Variants in DOCK4 observed in about 807,000 individuals in gnomAD.
DOCK4 encodes the protein dedicator of cytokinesis protein 4.
Under a neutral mutation model 268.1 loss-of-function variants are expected in DOCK4, and 97 were observed. That is an observed-to-expected ratio of 0.36 (90% CI 0.31 to 0.43). The LOEUF (loss-of-function observed/expected upper bound fraction) is 0.43, where lower values mean the gene tolerates loss of function less well. Among genes scored for constraint, DOCK4 ranks in the 20% least tolerant of loss-of-function variants. The pLI is 1.00. For synonymous variants in DOCK4, 954 were observed against 887.2 expected, an observed-to-expected ratio of 1.08 and a Z score of -1.34; for missense variants, 2,145 against 2,455.7, an observed-to-expected ratio of 0.87 and a Z score of 2.67.
At chr7:111,739,030 G>T in intron 49 of DOCK4, 104 bp downstream of exon 49, 2 of 902,020 alleles carry the variant, frequency 2.2e-6, no homozygotes, top group Non-Finnish European at 3.6e-6. Context: ...GTCTGACACT[G>T]CCCAGCTGCT....
chr7:112,161,267 C>A (rs1381596565), intron 1 of DOCK4, among the ~76,000 whole-genome samples: 1 of 152,098 alleles, frequency 6.6e-6, no homozygotes, highest in East Asian at 1.9e-4. Flanking sequence ...TTAAAACTTG[C>A]TGCACTTGTT....
At chr7:112,080,623 A>AG (rs1384776139) in intron 1 of DOCK4, among the ~76,000 whole-genome samples, 1 of 152,230 alleles carries the variant, frequency 6.6e-6, no homozygotes, top group African/African-American at 2.4e-5. Flanking sequence ...GACAATGTGC[A>AG]GAAACATCAC....
chr7:112,103,702 C>T (rs965208374), intron 1 of DOCK4, among the ~76,000 whole-genome samples: 1 of 151,942 alleles, frequency 6.6e-6, no homozygotes, highest in Non-Finnish European at 1.5e-5. Flanking sequence ...GCAAACAGGG[C>T]GAAACCCCGT....
chr7:111,801,345 C>T (rs55709616), intron 30 of DOCK4, among the ~76,000 whole-genome samples: 12,358 of 152,238 alleles, frequency 0.081, 1,697 homozygotes, highest in African/African-American at 0.28. Flanking sequence ...TCAAGCCTCC[C>T]CACCTCTGTC....
chr7:112,169,950 T>G, intron 1 of DOCK4, among the ~76,000 whole-genome samples: 1 of 152,248 alleles, frequency 6.6e-6, no homozygotes, highest in East Asian at 1.9e-4. Flanking sequence ...CCACCAACAC[T>G]TTTTCCTGAA....
intron 1 of DOCK4, among the ~76,000 whole-genome samples, chr7:112,188,902 G>A (rs1819687500): frequency 6.6e-6 from 1 of 152,166 alleles, no homozygotes; most frequent in Non-Finnish European, 1.5e-5. Flanking sequence ...TATCAAGTCA[G>A]TAAGAACAAT....
At chr7:112,198,180 A>G (rs1820626544) in intron 1 of DOCK4, among the ~76,000 whole-genome samples, 2 of 151,982 alleles carry the variant, frequency 1.3e-5, no homozygotes, top group Admixed American at 1.3e-4. Flanking sequence ...AGCCTTCATG[A>G]TGGGATTCGT....
chr7:112,036,098 G>T (rs1225026508), intron 1 of DOCK4, among the ~76,000 whole-genome samples: 1 of 152,000 alleles, frequency 6.6e-6, no homozygotes, highest in Non-Finnish European at 1.5e-5. Flanking sequence ...AAGGAAACAG[G>T]TATGACCCAA....
chr7:111,947,248 A>G (rs1049709249), intron 8 of DOCK4, among the ~76,000 whole-genome samples: 1 of 152,244 alleles, frequency 6.6e-6, no homozygotes, highest in African/African-American at 2.4e-5. Context: ...AAGAGGAGAT[A>G]TGAGAACCAT....
chr7:112,013,916 C>A (rs1193130432), intron 1 of DOCK4, among the ~76,000 whole-genome samples: 2 of 152,178 alleles, frequency 1.3e-5, no homozygotes, highest in Non-Finnish European at 2.9e-5. Context: ...ACTCACTCAC[C>A]ACCTCTACTT....
At chr7:111,849,596 C>T (rs1804386267) in intron 23 of DOCK4, among the ~76,000 whole-genome samples, 2 of 152,130 alleles carry the variant, frequency 1.3e-5, no homozygotes, top group South Asian at 2.1e-4. Context: ...TCTCCAATAT[C>T]TGATGATCCT....
intron 5 of DOCK4, among the ~76,000 whole-genome samples, chr7:111,993,382 C>A (rs915225804): frequency 5.3e-5 from 8 of 152,158 alleles, no homozygotes; most frequent in African/African-American, 1.4e-4. Context: ...TATTTCACCA[C>A]CCCCAGACTT....
intron 1 of DOCK4, among the ~76,000 whole-genome samples, chr7:112,172,679 A>G (rs2107116): frequency 0.93 from 141,831 of 152,256 alleles, 66,121 homozygotes; most frequent in Middle Eastern, 0.97. Context: ...ATGTCATTAT[A>G]TGGAAAAACC....
At chr7:111,998,367 C>T in intron 4 of DOCK4, 81 bp downstream of exon 4, 1 of 1,115,816 alleles carries the variant, frequency 9.0e-7, no homozygotes, top group Non-Finnish European at 1.3e-6. Context: ...TTTTTCAAGA[C>T]AATTACTATG....
chr7:112,036,559 T>C lies in DOCK4; in HGVS notation c.38-32428A>G, dbSNP rs111668632. Among the ~76,000 whole-genome samples the C allele has an allele frequency of 3.3e-3, 510 of 152,252 alleles. 4 individuals are homozygous for C. The highest frequency in any genetic ancestry group is 0.012 in the African/African-American group (482 of 41,546). The stretch of plus-strand genomic sequence containing the variant: ...TTTTATATTTTTATGTTGAGATATA[T>C]ATAACAAAGGGTACGGATCTTAGGG... On this transcript the variant is annotated intron_variant, in intron 1 of 52. Coordinates refer to ENST00000428084, the MANE Select transcript of DOCK4 (RefSeq NM_001363540.2).
At chr7:111,926,901 G>C (rs1793755920) in intron 12 of DOCK4, among the ~76,000 whole-genome samples, 1 of 149,448 alleles carries the variant, frequency 6.7e-6, no homozygotes, top group African/African-American at 2.5e-5. Flanking sequence ...AAGGAAAGAA[G>C]GAAGAAAGAA....
At chr7:111,758,882 T>G (rs913464507) in intron 40 of DOCK4, 92 bp from the exon 41 acceptor site, 1 of 1,165,156 alleles carries the variant, frequency 8.6e-7, no homozygotes, top group South Asian at 1.5e-5. Flanking sequence ...AGAGGATGGG[T>G]AACAATCTTC....
intron 40 of DOCK4, among the ~76,000 whole-genome samples, chr7:111,759,938 A>G (rs1797273212): frequency 6.6e-6 from 1 of 152,188 alleles, no homozygotes; most frequent in Non-Finnish European, 1.5e-5. Flanking sequence ...GCTATACAAG[A>G]GGTTTAATTA....
At chr7:112,101,759 T>A (rs1208894964) in intron 1 of DOCK4, among the ~76,000 whole-genome samples, 13 of 152,198 alleles carry the variant, frequency 8.5e-5, no homozygotes. Context: ...GCTGACCAAC[T>A]TTTCTTATAG....
Sources: gnomAD v4.1 joint callset for allele counts (sites outside exome capture counted in the v4.1 genomes callset) on GRCh38, gnomAD v4.1.1 for gene constraint, MANE v1.5 for transcripts, NCBI Gene and HGNC (gene_info 2026-07-23, HGNC 2026-07-21) for gene names.